The following CIB4 variants were observed in gnomAD, a reference collection of about 807,000 sequenced individuals.
CIB4 encodes the protein calcium and integrin binding family member 4.
CIB4 carries 25 observed loss-of-function variants against 25.8 expected under a neutral mutation model. The observed-to-expected ratio is 0.97, with a 90% confidence interval of 0.71 to 1.35. CIB4 has a LOEUF of 1.35. Ranked by LOEUF, CIB4 falls within the 40% of genes most tolerant of loss-of-function variation. CIB4 has a pLI of 0.00. For synonymous variants in CIB4, 75 were observed against 81.4 expected (o/e 0.92, Z 0.42); for missense variants, 235 against 228.2 (o/e 1.03, Z -0.19).
intron 5 of CIB4, 43 bp downstream of exon 5, chr2:26,583,745 CT>C: frequency 7.4e-7 from 1 of 1,342,326 alleles, no homozygotes; most frequent in South Asian, 1.2e-5. Context: ...AACCTGGCCC[CT>C]ATCCCCGGCC....
chr2:26,639,599 A>G (rs946651358), intron 2 of CIB4, among the ~76,000 whole-genome samples: 2 of 152,148 alleles, frequency 1.3e-5, no homozygotes, highest in African/African-American at 4.8e-5. Flanking sequence ...TATTTAAAAA[A>G]GTGAGTGAAT....
chr2:26,626,397 A>G (rs1669304686), intron 3 of CIB4, among the ~76,000 whole-genome samples: 1 of 83,496 alleles, frequency 1.2e-5, no homozygotes, highest in Admixed American at 1.4e-4. Context: ...AAAAAGCAAC[A>G]TACAAAAAAA....
intron 3 of CIB4, among the ~76,000 whole-genome samples, chr2:26,614,619 C>T (rs1669057549): frequency 6.6e-6 from 1 of 152,196 alleles, no homozygotes. Context: ...CCTCAGGCAA[C>T]CCCTCCATCT....
At chr2:26,607,792 C>G (rs578011815) in intron 3 of CIB4, among the ~76,000 whole-genome samples, 1 of 152,354 alleles carries the variant, frequency 6.6e-6, no homozygotes, top group Admixed American at 6.5e-5. Flanking sequence ...GTTACCTGGG[C>G]CAGCGTGTGT....
At chr2:26,618,719 C>T (rs1025482742) in intron 3 of CIB4, among the ~76,000 whole-genome samples, 1 of 152,208 alleles carries the variant, frequency 6.6e-6, no homozygotes, top group Admixed American at 6.5e-5. Flanking sequence ...ACTCCGAGGG[C>T]CTGGTCCTAG....
At chr2:26,588,981 CTT>C (rs1668509245) in intron 4 of CIB4, among the ~76,000 whole-genome samples, 2 of 13,912 alleles carry the variant, frequency 1.4e-4, no homozygotes, top group East Asian at 2.1e-3. Flanking sequence ...CTTCTTCTTT[CTT>C]CTTCTTCTTC....
At chr2:26,605,633 T>C (rs1296801427) in intron 3 of CIB4, 1 of 459,036 alleles carries the variant, frequency 2.2e-6, no homozygotes, top group Non-Finnish European at 4.5e-6. Flanking sequence ...TACCAGAAGG[T>C]GGCAGTGTTG....
At chr2:26,638,051 T>C (rs1183789414) in intron 2 of CIB4, among the ~76,000 whole-genome samples, 1 of 152,130 alleles carries the variant, frequency 6.6e-6, no homozygotes, top group Non-Finnish European at 1.5e-5. Context: ...GGGAGCCTCC[T>C]GAGCAGGAGC....
intron 3 of CIB4, chr2:26,605,523 C>A: frequency 2.1e-6 from 1 of 471,114 alleles, no homozygotes; most frequent in Non-Finnish European, 4.4e-6. Context: ...GGAGTGGACG[C>A]CCTTTCAGGG....
At chr2:26,626,852 T>A (rs931683913) in intron 3 of CIB4, among the ~76,000 whole-genome samples, 15 of 151,878 alleles carry the variant, frequency 9.9e-5, no homozygotes, top group African/African-American at 3.6e-4. Flanking sequence ...CCCAACAGGC[T>A]CCTCACCCAT....
chr2:26,609,123 C>T (rs951826780), intron 3 of CIB4, among the ~76,000 whole-genome samples: 1 of 152,178 alleles, frequency 6.6e-6, no homozygotes, highest in Non-Finnish European at 1.5e-5. Context: ...TATCGAATTA[C>T]GACGGTAATG....
chr2:26,614,489 A>G (rs2148212859), intron 3 of CIB4, among the ~76,000 whole-genome samples: 1 of 152,312 alleles, frequency 6.6e-6, no homozygotes, highest in South Asian at 2.1e-4. Context: ...TCCTCTGGAA[A>G]GGAGCCTGGA....
intron 3 of CIB4, among the ~76,000 whole-genome samples, chr2:26,618,154 C>T (rs764271639): frequency 1.4e-4 from 22 of 152,188 alleles, no homozygotes; most frequent in Non-Finnish European, 2.8e-4. Flanking sequence ...CTCCCTCCAC[C>T]CCGACCTCAT....
At chr2:26,589,663 TA>T (rs1668548990) in intron 4 of CIB4, among the ~76,000 whole-genome samples, 1 of 152,186 alleles carries the variant, frequency 6.6e-6, no homozygotes, top group Non-Finnish European at 1.5e-5. Context: ...CTGTCTTTCT[TA>T]CTAACATAAC....
At chr2:26,584,693 G>C (rs1668416646) in intron 4 of CIB4, among the ~76,000 whole-genome samples, 1 of 152,222 alleles carries the variant, frequency 6.6e-6, no homozygotes, top group Admixed American at 6.5e-5. Flanking sequence ...ATGTGACAGG[G>C]AGCCTGCAGA....
intron 3 of CIB4, among the ~76,000 whole-genome samples, chr2:26,626,634 G>C (rs1316371270): frequency 6.6e-6 from 1 of 152,116 alleles, no homozygotes; most frequent in Non-Finnish European, 1.5e-5. Flanking sequence ...AATCAGAAAA[G>C]TAAAATTAAA....
chr2:26,630,527 G>A (rs1669397158), intron 2 of CIB4, among the ~76,000 whole-genome samples: 1 of 152,172 alleles, frequency 6.6e-6, no homozygotes, highest in African/African-American at 2.4e-5. Context: ...GAGGCTGAAG[G>A]GTATGTGTGT....
intron 3 of CIB4, among the ~76,000 whole-genome samples, chr2:26,608,441 T>A (rs1218901142): frequency 6.6e-6 from 1 of 152,150 alleles, no homozygotes; most frequent in Non-Finnish European, 1.5e-5. Context: ...GCATAGACTT[T>A]CCGAGTCAGC....
At chr2:26,583,700 A>G (rs886073213) in intron 5 of CIB4, 89 bp downstream of exon 5, 16 of 844,666 alleles carry the variant, frequency 1.9e-5, no homozygotes, top group African/African-American at 8.3e-5. Flanking sequence ...TCTCCTCCCA[A>G]GAGGGTGGCC....
Sources: gnomAD v4.1 joint callset for allele counts (sites outside exome capture counted in the v4.1 genomes callset) on GRCh38, gnomAD v4.1.1 for gene constraint, MANE v1.5 for transcripts, NCBI Gene and HGNC (gene_info 2026-07-23, HGNC 2026-07-21) for gene names.